Variants in NCOA3 observed in about 807,000 individuals in gnomAD.
The protein encoded by NCOA3 is CBP-interacting protein.
In NCOA3, 51 loss-of-function variants were observed where a neutral mutation model predicts 158.8. That is an observed-to-expected ratio of 0.32 (90% CI 0.26 to 0.41). The LOEUF (loss-of-function observed/expected upper bound fraction) is 0.41. Among genes scored for constraint, NCOA3 ranks in the 10% least tolerant of loss-of-function variants. The probability of loss-of-function intolerance (pLI) is 1.00; values close to 1 mark genes in which losing one functional copy is unlikely to be tolerated. For synonymous variants in NCOA3, 537 were observed against 592.4 expected (o/e 0.91, Z 1.36); for missense variants, 1,510 against 1,746.6 (o/e 0.86, Z 2.41).
chr20:47,642,136 T>C, intron 16 of NCOA3, 77 bp from the exon 17 acceptor site: 2 of 1,067,834 alleles, frequency 1.9e-6, no homozygotes, highest in Non-Finnish European at 2.7e-6. Flanking sequence ...TTAAAAATAC[T>C]ATGCATGGTT....
chr20:47,637,911 G>C, intron 13 of NCOA3, 128 bp downstream of exon 13: 4 of 795,738 alleles, frequency 5.0e-6, no homozygotes, highest in Non-Finnish European at 7.2e-6. Context: ...TTCTGCCTCT[G>C]TTTTCTATAC....
intron 2 of NCOA3, among the ~76,000 whole-genome samples, chr20:47,599,526 A>G (rs1268177853): frequency 6.6e-6 from 1 of 152,236 alleles, no homozygotes; most frequent in Non-Finnish European, 1.5e-5. Flanking sequence ...CTTTAAGCAT[A>G]TAATATGTGA....
intron 2 of NCOA3, among the ~76,000 whole-genome samples, chr20:47,606,381 A>T (rs1415392689): frequency 6.6e-6 from 1 of 152,210 alleles, no homozygotes; most frequent in Non-Finnish European, 1.5e-5. Context: ...AAATGCGGTG[A>T]TGCATAAAAT....
chr20:47,596,674 C>T (rs985311867), intron 2 of NCOA3, among the ~76,000 whole-genome samples: 9 of 152,120 alleles, frequency 5.9e-5, no homozygotes, highest in East Asian at 3.8e-4. Flanking sequence ...CAGCCTCTGC[C>T]GCCCAGTCTC....
intron 5 of NCOA3, among the ~76,000 whole-genome samples, chr20:47,626,662 G>A (rs2086327472): frequency 6.6e-6 from 1 of 152,160 alleles, no homozygotes; most frequent in South Asian, 2.1e-4. Flanking sequence ...CCACAGACTT[G>A]GTAGGTGAAA....
At chr20:47,507,030 T>C (rs2084040886) in intron 1 of NCOA3, among the ~76,000 whole-genome samples, 1 of 152,198 alleles carries the variant, frequency 6.6e-6, no homozygotes, top group Admixed American at 6.5e-5. Context: ...ATCTGCTTCC[T>C]GGGGCTTTGC....
Position 47,655,937 on chromosome 20 carries a change from T to C in NCOA3, c.*2520T>C, listed in dbSNP as rs1255814047. 1 of 152,358 alleles carries C rather than the reference T, an allele frequency of 6.6e-6. No individual in the cohort carries two copies. Among genetic ancestry groups the C allele is most frequent in the Non-Finnish European group, 1.5e-5 (1 of 67,968 alleles). The allele number at this position is 152,358 out of a possible 1,614,324, so 9.4% of individuals were successfully genotyped here. On this transcript the variant is annotated 3_prime_UTR_variant, in exon 23 of 23. Transcript: ENST00000371998. ...CAAACTCAAGATTTCTTTTAATAGG[T>C]GCAGTCTTTGAGATAATTTGTTTTT...
At chr20:47,585,837 C>T (rs189036890) in intron 2 of NCOA3, among the ~76,000 whole-genome samples, 217 of 152,110 alleles carry the variant, frequency 1.4e-3, no homozygotes, top group South Asian at 2.3e-3. Flanking sequence ...AGTTACCAGC[C>T]TTAGGTCTTG....
chr20:47,580,130 C>T (rs2085427876), intron 1 of NCOA3, among the ~76,000 whole-genome samples: 1 of 152,092 alleles, frequency 6.6e-6, no homozygotes, highest in South Asian at 2.1e-4. Flanking sequence ...TGCAGATTGG[C>T]AGGGTCAGCA....
At position 47,635,512 on chromosome 20, in the gene NCOA3, G is replaced by C. The variant is rs772403324; in HGVS notation, c.1303G>C (p.Gly435Arg). 3.9e-5 allele frequency: 63 copies of C among 1,613,946 alleles called. No individual in the cohort carries two copies. Among genetic ancestry groups the C allele is most frequent in the Non-Finnish European group, 5.2e-5 (61 of 1,180,028 alleles). Residue 435 changes from glycine to arginine, a missense_variant, in exon 11 of 23, where the codon GGT becomes CGT. Physicochemically the swap from Gly to Arg is moderately radical, Grantham distance 125. Coordinates refer to ENST00000371998, the MANE Select transcript of NCOA3 (RefSeq NM_181659.3). ...TGQMSGARYG[G>R]SSNIASLTPG... Reference sequence around the variant, plus strand: ...GCAGATGAGTGGAGCTAGGTATGGGGGTTCCAGTAACATAGCTTCATTGAC... The same window carrying C: ...GCAGATGAGTGGAGCTAGGTATGGGCGTTCCAGTAACATAGCTTCATTGAC...
At chr20:47,627,413 A>G (rs552564423) in intron 6 of NCOA3, 148 bp from the exon 7 acceptor site, 10 of 711,342 alleles carry the variant, frequency 1.4e-5, no homozygotes, top group Admixed American at 3.1e-5. Flanking sequence ...AATTATTCAC[A>G]TGTTTTGTAT....
At chr20:47,643,641 A>T (rs186635421) in intron 17 of NCOA3, among the ~76,000 whole-genome samples, 1 of 152,048 alleles carries the variant, frequency 6.6e-6, no homozygotes, top group East Asian at 1.9e-4. Flanking sequence ...CTGAATCTCA[A>T]ATCGCTTTCT....
intron 2 of NCOA3, among the ~76,000 whole-genome samples, chr20:47,598,221 T>G (rs1272475616): frequency 8.0e-4 from 91 of 113,044 alleles, no homozygotes; most frequent in African/African-American, 3.1e-3. Context: ...CACTCCAGCC[T>G]GGGCGATAGG....
intron 2 of NCOA3, among the ~76,000 whole-genome samples, chr20:47,612,092 G>T (rs1354038493): frequency 6.6e-6 from 1 of 152,186 alleles, no homozygotes; most frequent in Non-Finnish European, 1.5e-5. Flanking sequence ...CTCCCAAAGT[G>T]TTGAGATTAC....
chr20:47,594,346 C>T (rs952372364), intron 2 of NCOA3, among the ~76,000 whole-genome samples: 3 of 152,044 alleles, frequency 2.0e-5, no homozygotes, highest in African/African-American at 4.8e-5. Flanking sequence ...ACTCAAGATG[C>T]GTGATAACCA....
chr20:47,585,059 T>A, intron 2 of NCOA3, among the ~76,000 whole-genome samples: 1 of 144,240 alleles, frequency 6.9e-6, no homozygotes, highest in East Asian at 2.0e-4. Context: ...TTTTTTTTTT[T>A]TTTTTTTTTT....
At chr20:47,577,225 C>T (rs1322743260) in intron 1 of NCOA3, among the ~76,000 whole-genome samples, 1 of 152,126 alleles carries the variant, frequency 6.6e-6, no homozygotes, top group Non-Finnish European at 1.5e-5. Flanking sequence ...TTTATGTTTC[C>T]TGTATCCCTA....
chr20:47,531,232 G>A (rs949831636), intron 1 of NCOA3, among the ~76,000 whole-genome samples: 1 of 152,062 alleles, frequency 6.6e-6, no homozygotes, highest in Admixed American at 6.6e-5. Flanking sequence ...CCAGCTACTC[G>A]GGAGGCTGAG....
chr20:47,502,011 C>T lies in NCOA3; in HGVS notation c.-107C>T, dbSNP rs1361942448. 8 of 398,918 alleles carry T rather than the reference C, an allele frequency of 2.0e-5. No individual in the cohort carries two copies. Among genetic ancestry groups the T allele is most frequent in the Non-Finnish European group, 3.5e-5 (8 of 226,256 alleles). The allele number at this position is 398,918 out of a possible 1,614,324, so 24.7% of individuals were successfully genotyped here. On this transcript the variant is annotated 5_prime_UTR_variant, in exon 1 of 23. Coordinates refer to ENST00000371998, the MANE Select transcript of NCOA3 (RefSeq NM_181659.3). ...TAAAGCTGAGCTGCGAGGAAAATGG[C>T]GGCGGGAGGTGAGTGGAGATAAAGG... is the stretch of plus-strand genomic sequence containing the variant.
Sources: gnomAD v4.1 joint callset for allele counts (sites outside exome capture counted in the v4.1 genomes callset) on GRCh38, gnomAD v4.1.1 for gene constraint, MANE v1.5 for transcripts, NCBI Gene and HGNC (gene_info 2026-07-23, HGNC 2026-07-21) for gene names.